Variants in PARD3B observed in about 807,000 individuals in gnomAD.
The protein encoded by PARD3B is partitioning defective 3 homolog B.
A neutral mutation model predicts 130.2 loss-of-function variants in PARD3B; 103 were observed. That is an observed-to-expected ratio of 0.79 (90% confidence interval 0.67 to 0.93). The LOEUF (loss-of-function observed/expected upper bound fraction) is 0.93. Ranked by LOEUF, PARD3B falls within the 40% of genes least tolerant of loss-of-function variation. The pLI, the probability that PARD3B is intolerant of heterozygous loss-of-function variation, is 0.00. For synonymous variants in PARD3B, 583 were observed against 553.2 expected (o/e 1.05, Z -0.76); for missense variants, 1,609 against 1,499.2 (o/e 1.07, Z -1.21).
At chr2:204,960,942 A>G (rs1004008890) in intron 2 of PARD3B, among the ~76,000 whole-genome samples, 24 of 152,228 alleles carry the variant, frequency 1.6e-4, no homozygotes, top group Admixed American at 1.6e-3. Flanking sequence ...AGATCGAGGA[A>G]GAAGCCTTGC....
intron 2 of PARD3B, among the ~76,000 whole-genome samples, chr2:204,960,646 C>G (rs193302511): frequency 1.3e-5 from 2 of 151,874 alleles, no homozygotes; most frequent in African/African-American, 4.8e-5. Context: ...ATCTGTTTGC[C>G]TCATATTTCA....
intron 2 of PARD3B, among the ~76,000 whole-genome samples, chr2:204,755,766 A>T (rs889508129): frequency 6.6e-6 from 1 of 152,180 alleles, no homozygotes; most frequent in Non-Finnish European, 1.5e-5. Context: ...TAACAAAAGA[A>T]ATAAGCTCTT....
In PARD3B at chr2:205,020,027, C is replaced by T. The variant is rs115786437; in HGVS notation, c.395-27554C>T. ...AGTTTTTCCAGCACAAAGCTGTTGC[C>T]GCTTTCTAATCTGAGTGGATTGGGG... On this transcript the variant is annotated intron_variant, in intron 3 of 22. Coordinates refer to ENST00000406610, the MANE Select transcript of PARD3B (RefSeq NM_001302769.2). Among the ~76,000 whole-genome samples the T allele has an allele frequency of 1.6e-3, 246 of 152,188 alleles. 3 individuals are homozygous for T. Among genetic ancestry groups the T allele is most frequent in the African/African-American group, 5.6e-3 (232 of 41,540 alleles).
intron 10 of PARD3B, among the ~76,000 whole-genome samples, chr2:205,127,769 C>T (rs1337986275): frequency 6.6e-6 from 1 of 152,164 alleles, no homozygotes; most frequent in Non-Finnish European, 1.5e-5. Flanking sequence ...GATATAGTCC[C>T]CATTTCCATT....
intron 16 of PARD3B, among the ~76,000 whole-genome samples, chr2:205,299,170 G>A (rs1425949816): frequency 6.6e-6 from 1 of 152,064 alleles, no homozygotes; most frequent in Non-Finnish European, 1.5e-5. Context: ...ACTTCACATA[G>A]GTATATATAT....
intron 18 of PARD3B, among the ~76,000 whole-genome samples, chr2:205,400,500 GCA>G (rs2046210522): frequency 6.6e-6 from 1 of 152,068 alleles, no homozygotes; most frequent in African/African-American, 2.4e-5. Flanking sequence ...AATTAGCTGG[GCA>G]TGGTGGTGTG....
At chr2:205,282,123 A>T (rs2041213581) in intron 16 of PARD3B, among the ~76,000 whole-genome samples, 1 of 152,218 alleles carries the variant, frequency 6.6e-6, no homozygotes, top group Non-Finnish European at 1.5e-5. Flanking sequence ...ACCATAGGAG[A>T]AAAATCCAAG....
At chr2:205,025,960 G>T (rs1321305817) in intron 3 of PARD3B, among the ~76,000 whole-genome samples, 1 of 152,120 alleles carries the variant, frequency 6.6e-6, no homozygotes, top group African/African-American at 2.4e-5. Context: ...AACTACCTCT[G>T]TTCCTTTTTG....
intron 18 of PARD3B, among the ~76,000 whole-genome samples, chr2:205,337,578 T>C (rs2043358544): frequency 6.6e-6 from 1 of 152,224 alleles, no homozygotes; most frequent in Non-Finnish European, 1.5e-5. Context: ...GAGATTACTC[T>C]GCTGAGAGTA....
intron 18 of PARD3B, among the ~76,000 whole-genome samples, chr2:205,334,777 C>T (rs888346095): frequency 6.6e-6 from 1 of 152,178 alleles, no homozygotes; most frequent in Non-Finnish European, 1.5e-5. Context: ...TAGTTGAATG[C>T]ACTTTCCATC....
intron 3 of PARD3B, among the ~76,000 whole-genome samples, chr2:205,039,632 C>T (rs1184704757): frequency 6.6e-6 from 1 of 151,942 alleles, no homozygotes; most frequent in Non-Finnish European, 1.5e-5. Flanking sequence ...CACCACACCC[C>T]ACTAATCTTT....
intron 16 of PARD3B, among the ~76,000 whole-genome samples, chr2:205,262,468 G>C (rs2040352281): frequency 6.6e-6 from 1 of 152,072 alleles, no homozygotes; most frequent in Admixed American, 6.5e-5. Context: ...GGAGGTCATA[G>C]ATTTGGATCA....
chr2:205,614,787 G>C (rs1456789636), intron 22 of PARD3B, among the ~76,000 whole-genome samples: 1 of 152,002 alleles, frequency 6.6e-6, no homozygotes, highest in Non-Finnish European at 1.5e-5. Context: ...CATTTAGGGA[G>C]GGGAGGGACA....
intron 2 of PARD3B, among the ~76,000 whole-genome samples, chr2:204,788,987 C>A (rs907101801): frequency 1.8e-4 from 27 of 152,116 alleles, no homozygotes; most frequent in African/African-American, 6.5e-4. Context: ...CATTCACTTA[C>A]ATTTTTATCA....
At chr2:205,117,813 T>A (rs2030022637) in intron 6 of PARD3B, among the ~76,000 whole-genome samples, 1 of 152,144 alleles carries the variant, frequency 6.6e-6, no homozygotes, top group African/African-American at 2.4e-5. Context: ...AGAAGGGAAA[T>A]CCCACAAATA....
chr2:204,771,946 C>G (rs1363185216), intron 2 of PARD3B, among the ~76,000 whole-genome samples: 1 of 151,962 alleles, frequency 6.6e-6, no homozygotes, highest in Non-Finnish European at 1.5e-5. Flanking sequence ...ATGCACTAGT[C>G]TTTTTCTGTA....
rs1167407230 is a variant in PARD3B at position 205,054,432 on chromosome 2, ATATATTTTTTTTT to A, written c.504+6744_504+6756del. Among the ~76,000 whole-genome samples, 240 of 30,996 alleles carry A rather than the reference ATATATTTTTTTTT, an allele frequency of 7.7e-3. 2 individuals carry two copies. The highest frequency in any genetic ancestry group is 0.02 in the South Asian group (11 of 542). 20.3% of individuals were successfully genotyped at this position (30,996 alleles called of 152,430 possible). ...TATATATATATATATATATATATAT[ATATATTTTTTTTT>A]TTTTTTTTTTTTAATTATACTCTAA... On this transcript the variant is annotated intron_variant, in intron 4 of 22. Transcript: ENST00000406610.
At position 205,321,030 on chromosome 2, in the gene PARD3B, G is replaced by C. The variant is rs1437326632; in HGVS notation, c.2630+19329G>C. On this transcript the variant is annotated intron_variant, in intron 18 of 22. Coordinates refer to ENST00000406610, the MANE Select transcript of PARD3B (RefSeq NM_001302769.2). This position sits in a 1 kb window ranked among gnomAD's most constrained non-coding sequence, Gnocchi z 4.2. ...AATTATTTTTTGTTCCCTTTCCATA[G>C]TTCTCCCTACCTTCTCTGAAAATCT... Among the ~76,000 whole-genome samples the C allele has an allele frequency of 6.6e-6, 1 of 152,120 alleles. No individual in the cohort carries two copies. Among genetic ancestry groups the C allele is most frequent in the African/African-American group, 2.4e-5 (1 of 41,424 alleles).
At chr2:205,249,757 A>G (rs1322892628) in intron 16 of PARD3B, among the ~76,000 whole-genome samples, 1 of 152,128 alleles carries the variant, frequency 6.6e-6, no homozygotes, top group East Asian at 1.9e-4. Context: ...TATGAGAGAC[A>G]TTTAAGTCTA....
Sources: allele counts gnomAD v4.1 joint callset (sites outside exome capture counted in the v4.1 genomes callset), GRCh38; gene constraint gnomAD v4.1.1; non-coding constraint Gnocchi (gnomAD v3.1); transcripts MANE v1.5; gene names NCBI Gene and HGNC (gene_info 2026-07-23, HGNC 2026-07-21).